Variants in QKI observed in about 807,000 individuals in gnomAD.
QKI encodes the protein QKI, KH domain containing RNA binding, also known as KH domain-containing RNA-binding protein QKI.
QKI carries 10 observed loss-of-function variants against 39.0 expected under a neutral mutation model. The observed-to-expected ratio is 0.26, with a 90% CI of 0.16 to 0.43. The LOEUF (loss-of-function observed/expected upper bound fraction) is 0.43, where lower values mean the gene tolerates loss of function less well. Ranked by LOEUF, QKI falls within the 20% of genes least tolerant of loss-of-function variation. The pLI is 1.00. For missense variants in QKI, 218 were observed against 428.0 expected (o/e 0.51, Z 4.33); for synonymous variants, 204 against 155.4 (o/e 1.31, Z -2.33).
chr6:163,499,198 T>C (rs60918367), intron 3 of QKI, among the ~76,000 whole-genome samples: 1,858 of 152,312 alleles, frequency 0.012, 37 homozygotes, highest in African/African-American at 0.042. Flanking sequence ...CGTGTTTTGC[T>C]GAAAAACTCT....
chr6:163,445,624 T>G (rs919951910), intron 1 of QKI, among the ~76,000 whole-genome samples: 2 of 151,644 alleles, frequency 1.3e-5, no homozygotes, highest in Admixed American at 6.6e-5. Flanking sequence ...TCTTTTTTTT[T>G]TTTTTTTTTA....
intron 1 of QKI, among the ~76,000 whole-genome samples, chr6:163,420,539 G>A (rs1236277804): frequency 3.3e-5 from 5 of 152,054 alleles, no homozygotes; most frequent in African/African-American, 1.2e-4. Context: ...CCTATGTTAG[G>A]AGGTCACACA....
chr6:163,576,845 T>A lies in QKI; in HGVS notation c.*6135T>A, dbSNP rs947817121. 1 of 152,222 alleles carries A rather than the reference T, an allele frequency of 6.6e-6. No individual in the cohort carries two copies. The highest frequency in any genetic ancestry group is 1.5e-5 in the Non-Finnish European group (1 of 68,044). The allele number at this position is 152,222 out of a possible 1,614,324, so 9.4% of individuals were successfully genotyped here. Reference sequence around the variant, plus strand: ...TAAGAATTTGACATTCTGGAGTTATTATAACATTAGAAAATGAGCATAACA... The same window carrying A: ...TAAGAATTTGACATTCTGGAGTTATAATAACATTAGAAAATGAGCATAACA... On this transcript the variant is annotated 3_prime_UTR_variant, in exon 8 of 8. Coordinates refer to ENST00000361752, the MANE Select transcript of QKI (RefSeq NM_006775.3).
At chr6:163,508,203 CTG>C in intron 3 of QKI, among the ~76,000 whole-genome samples, 1 of 151,820 alleles carries the variant, frequency 6.6e-6, no homozygotes, top group East Asian at 1.9e-4. Context: ...GTAAATAAGA[CTG>C]AAAAAAAATA....
In QKI at chr6:163,570,832, T is replaced by C. The variant is rs989990161; in HGVS notation, c.*122T>C. On this transcript the variant is annotated 3_prime_UTR_variant, in exon 8 of 8. Transcript: ENST00000361752. ...CGTCAGTGCAGCGAGCTGAGGCACT[T>C]GTCCGTTCGTCTTACCATCTAACCA... 7 of 1,310,600 alleles carry C rather than the reference T, an allele frequency of 5.3e-6. No individual in the cohort carries two copies. In the African/African-American group the frequency reaches 9.1e-5, roughly 17 times the overall value. 81.2% of individuals were successfully genotyped at this position (1,310,600 alleles called of 1,614,324 possible). A position where few individuals can be genotyped will look rare whatever the true frequency, so the allele number is the denominator to read the frequency against.
At position 163,520,457 on chromosome 6, in the gene QKI, C is replaced by T. The variant is rs544260949; in HGVS notation, c.403-14525C>T. Among the ~76,000 whole-genome samples the T allele has an allele frequency of 7.2e-5, 11 of 151,826 alleles. No individual in the cohort carries two copies. In the South Asian group the frequency reaches 2.3e-3, roughly 32 times the overall value. On this transcript the variant is annotated intron_variant, in intron 3 of 7. Coordinates refer to ENST00000361752, the MANE Select transcript of QKI (RefSeq NM_006775.3). ...TAGTGTTTGGGGAAATTATAAATGT[C>T]GGTTGCATAATTGTAATTCATGAAG...
intron 4 of QKI, among the ~76,000 whole-genome samples, chr6:163,555,793 C>T (rs982436699): frequency 3.3e-5 from 5 of 152,138 alleles, no homozygotes; most frequent in Admixed American, 2.6e-4. Context: ...TTTGGAAATA[C>T]ACATTTGTTT....
At chr6:163,546,606 T>A (rs1781889352) in intron 4 of QKI, among the ~76,000 whole-genome samples, 1 of 152,076 alleles carries the variant, frequency 6.6e-6, no homozygotes, top group South Asian at 2.1e-4. Flanking sequence ...TTAATTTTTC[T>A]TTACTACATT....
In QKI at chr6:163,522,686, C is replaced by T. The variant is rs529004133; in HGVS notation, c.403-12296C>T. 2.0e-5 allele frequency among the ~76,000 whole-genome samples: 3 copies of T among 152,234 alleles called. No individual in the cohort carries two copies. The East Asian group carries it at 5.8e-4, about 29-fold the overall frequency. ...GCCCCATGGAATTATAAATTATGTG[C>T]CTGTTTCCTTGCCGAGGTTCTCAAA... On this transcript the variant is annotated intron_variant, in intron 3 of 7. Coordinates refer to ENST00000361752, the MANE Select transcript of QKI (RefSeq NM_006775.3).
At chr6:163,483,149 A>G (rs1793211512) in intron 3 of QKI, among the ~76,000 whole-genome samples, 1 of 152,250 alleles carries the variant, frequency 6.6e-6, no homozygotes, top group South Asian at 2.1e-4. Flanking sequence ...TTAAATTTGT[A>G]ACAGCATTAT....
At chr6:163,531,400 G>T (rs1780841453) in intron 3 of QKI, among the ~76,000 whole-genome samples, 1 of 152,162 alleles carries the variant, frequency 6.6e-6, no homozygotes, top group South Asian at 2.1e-4. Flanking sequence ...GAATTAGGGA[G>T]TGCTTGATAG....
chr6:163,439,354 T>G (rs11961236), intron 1 of QKI, among the ~76,000 whole-genome samples: 4,876 of 132,588 alleles, frequency 0.037, 182 homozygotes, highest in African/African-American at 0.089. Flanking sequence ...TTTTTTTTTT[T>G]CGGGGGGGTG....
chr6:163,450,734 A>G (rs961587013), intron 1 of QKI, among the ~76,000 whole-genome samples: 3 of 152,156 alleles, frequency 2.0e-5, no homozygotes, highest in African/African-American at 7.2e-5. Context: ...GCGTAGTGAA[A>G]TTCGAAAAAA....
chr6:163,532,043 T>G (rs1279538535), intron 3 of QKI, among the ~76,000 whole-genome samples: 1 of 152,226 alleles, frequency 6.6e-6, no homozygotes, highest in Non-Finnish European at 1.5e-5. Context: ...GGCCAAGTGT[T>G]TTACACCTTA....
rs1783877114 is a variant in QKI at position 163,574,560 on chromosome 6, G to T, written c.*3850G>T. Reference sequence around the variant, plus strand: ...GTCAGACTAAAACATTAAACAAGAAGTTTAAGGGGGAATAACATTGGGATT... The same window carrying T: ...GTCAGACTAAAACATTAAACAAGAATTTTAAGGGGGAATAACATTGGGATT... On this transcript the variant is annotated 3_prime_UTR_variant, in exon 8 of 8. Transcript: ENST00000361752. 2 of 152,178 alleles carry T rather than the reference G, an allele frequency of 1.3e-5. No homozygotes were observed. The highest frequency in any genetic ancestry group is 6.5e-5 in the Admixed American group (1 of 15,278). The allele number at this position is 152,178 out of a possible 1,614,324, so 9.4% of individuals were successfully genotyped here. A position where few individuals can be genotyped will look rare whatever the true frequency, so the allele number is the denominator to read the frequency against.
intron 3 of QKI, among the ~76,000 whole-genome samples, chr6:163,494,349 C>T (rs1214020555): frequency 6.6e-6 from 1 of 152,166 alleles, no homozygotes; most frequent in African/African-American, 2.4e-5. Context: ...TGGGACCAAT[C>T]CCACAGGGAT....
intron 7 of QKI, chr6:163,567,648 T>C: frequency 1.0e-6 from 1 of 985,128 alleles, no homozygotes; most frequent in Non-Finnish European, 1.2e-6. Flanking sequence ...TATTGAGGAA[T>C]GGTATTTTCG....
chr6:163,541,557 C>A (rs1781520427), intron 4 of QKI, among the ~76,000 whole-genome samples: 1 of 145,306 alleles, frequency 6.9e-6, no homozygotes, highest in Non-Finnish European at 1.5e-5. Context: ...GTGTAAAAAT[C>A]TCCATTCATT....
At chr6:163,560,227 CTG>C (rs995943066) in intron 4 of QKI, among the ~76,000 whole-genome samples, 4 of 152,068 alleles carry the variant, frequency 2.6e-5, no homozygotes, top group African/African-American at 9.7e-5. Flanking sequence ...ACTCAACAGA[CTG>C]TAATTTGAAG....
Sources: allele counts gnomAD v4.1 joint callset (sites outside exome capture counted in the v4.1 genomes callset), GRCh38; gene constraint gnomAD v4.1.1; transcripts MANE v1.5; gene names NCBI Gene and HGNC (gene_info 2026-07-23, HGNC 2026-07-21).